DNTTIP2: variants seen among roughly 807,000 people sequenced by gnomAD.
DNTTIP2 encodes deoxynucleotidyltransferase terminal-interacting protein 2.
A neutral mutation model predicts 62.4 loss-of-function variants in DNTTIP2; 47 were observed. The observed-to-expected ratio is 0.75, with a 90% CI of 0.60 to 0.96. DNTTIP2 has a LOEUF of 0.96. Ranked by LOEUF, DNTTIP2 falls within the 40% of genes least tolerant of loss-of-function variation. The probability of loss-of-function intolerance (pLI) is 0.00; values close to 1 mark genes in which losing one functional copy is unlikely to be tolerated. For synonymous variants in DNTTIP2, 322 were observed against 300.9 expected, an observed-to-expected ratio of 1.07 and a Z score of -0.73; for missense variants, 870 against 849.1, an observed-to-expected ratio of 1.02 and a Z score of -0.31.
At position 93,877,237 on chromosome 1, in the gene DNTTIP2, G is replaced by C; in HGVS notation, c.698C>G (p.Pro233Arg). Residue 233 changes from proline to arginine, a missense_variant, in exon 2 of 7, where the codon CCT becomes CGT. Pro to Arg is a moderately radical substitution (Grantham distance 103). Coordinates refer to ENST00000436063, the MANE Select transcript of DNTTIP2 (RefSeq NM_014597.5). ...PGNEKQIVGT[P>R]VNSEDSDTRQ... is the part of the protein sequence containing the mutation. ...GGTATCTGAATCCTCTGAATTCACA[G>C]GTGTACCCACGATCTGTTTCTCATT... 1.9e-6 allele frequency: 3 copies of C among 1,613,892 alleles called. No individual in the cohort carries two copies. The highest frequency in any genetic ancestry group is 1.7e-6 in the Non-Finnish European group (2 of 1,179,880).
Position 93,867,121 on chromosome 1 carries a change from G to A in DNTTIP2, c.*2730C>T, listed in dbSNP as rs562159280. ...CATGCCACTACACTCCAGCCTGGGC[G>A]ACAGAGCGAGAGTCCGTCTCTCAAA... is the stretch of plus-strand genomic sequence containing the variant. On this transcript the variant is annotated 3_prime_UTR_variant, in exon 7 of 7. Transcript: ENST00000436063. 6 of 129,732 alleles carry A rather than the reference G, an allele frequency of 4.6e-5. No homozygotes were observed. The highest frequency in any genetic ancestry group is 1.5e-4 in the African/African-American group (5 of 34,304). The allele number at this position is 129,732 out of a possible 1,614,324, so 8.0% of individuals were successfully genotyped here. A position where few individuals can be genotyped will look rare whatever the true frequency, so the allele number is the denominator to read the frequency against.
intron 3 of DNTTIP2, among the ~76,000 whole-genome samples, chr1:93,873,797 A>G (rs924143584): frequency 1.2e-4 from 19 of 152,166 alleles, no homozygotes; most frequent in African/African-American, 4.6e-4. Context: ...TGTGCAGTCA[A>G]ATCTGTTTAT....
At position 93,877,686 on chromosome 1, in the gene DNTTIP2, C is replaced by T. The variant is rs1264465861; in HGVS notation, c.249G>A (p.Thr83=). Residue 83 remains threonine (T), a synonymous_variant, in exon 2 of 7, where the codon ACG becomes ACA. Transcript: ENST00000436063. Reference sequence around the variant, plus strand: ...ACTCTGCCTCAGAGGTTTCTCCATCCGTAGATGGTTCAGTCCCCTTTGGTA... The same window carrying T: ...ACTCTGCCTCAGAGGTTTCTCCATCTGTAGATGGTTCAGTCCCCTTTGGTA... ...GSLPKGTEPS[T]DGETSEAESN... 2 of 1,613,906 alleles carry T rather than the reference C, an allele frequency of 1.2e-6. No homozygotes were observed. The highest frequency in any genetic ancestry group is 1.7e-5 in the Admixed American group (1 of 60,010).
At chr1:93,870,162 T>C (rs1165566186) in intron 6 of DNTTIP2, among the ~76,000 whole-genome samples, 2 of 152,186 alleles carry the variant, frequency 1.3e-5, no homozygotes, top group African/African-American at 4.8e-5. Context: ...TATATCCATA[T>C]ATGATCTATA....
At position 93,877,320 on chromosome 1, in the gene DNTTIP2, A is replaced by T; in HGVS notation, c.615T>A (p.Ser205Arg). The T allele has an allele frequency of 6.2e-7, 1 of 1,613,252 alleles. No individual in the cohort carries two copies. The highest frequency in any genetic ancestry group is 8.5e-7 in the Non-Finnish European group (1 of 1,179,750). ...FSGIATRRTR[S>R]MQRKLKAQTE... ...TTTGTGCCTTTAATTTCCTCTGCAT[A>T]CTCCTGGTTCTTCTAGTTGCAATTC... The change falls in exon 2 of 7, where the codon AGT (serine) becomes AGA (arginine). Residue 205 changes from serine (S) to arginine (R), a missense_variant. Transcript: ENST00000436063.
intron 5 of DNTTIP2, 107 bp downstream of exon 5, chr1:93,871,965 T>G: frequency 7.9e-7 from 1 of 1,259,344 alleles, no homozygotes; most frequent in Non-Finnish European, 1.1e-6. Flanking sequence ...ACATTAGGCA[T>G]GCACAATGGA....
At chr1:93,870,922 A>G (rs1220122447) in intron 5 of DNTTIP2, 130 bp from the exon 6 acceptor site, 1 of 442,022 alleles carries the variant, frequency 2.3e-6, no homozygotes, top group African/African-American at 2.1e-5. Flanking sequence ...AGTAATGTAA[A>G]TTTTGCCATT....
chr1:93,874,792 C>T (rs1655955721), intron 3 of DNTTIP2, among the ~76,000 whole-genome samples: 1 of 152,072 alleles, frequency 6.6e-6, no homozygotes, highest in Admixed American at 6.6e-5. Flanking sequence ...CCTTGCCCAG[C>T]CGGATTTGTG....
chr1:93,878,942 G>A (rs1656084283), intron 1 of DNTTIP2, 135 bp downstream of exon 1: 8 of 1,168,530 alleles, frequency 6.8e-6, no homozygotes, highest in Non-Finnish European at 9.5e-6. Flanking sequence ...CGGGGCCTGG[G>A]AGACCCAAGC....
chr1:93,869,501 T>C lies in DNTTIP2; in HGVS notation c.*350A>G, dbSNP rs1571181259. 5.1e-6 allele frequency: 1 copy of C among 196,878 alleles called. No homozygotes were observed. The highest frequency in any genetic ancestry group is 2.4e-5 in the African/African-American group (1 of 42,418). 12.2% of individuals were successfully genotyped at this position (196,878 alleles called of 1,614,324 possible). ...ATGTTTATATATCTTTGATCATTTTTTAAAGTTCTTTGAACATGTTAGCAA... is the reference window on the plus strand; with the variant it reads ...ATGTTTATATATCTTTGATCATTTTCTAAAGTTCTTTGAACATGTTAGCAA... On this transcript the variant is annotated 3_prime_UTR_variant, in exon 7 of 7. Transcript: ENST00000436063.
chr1:93,878,925 C>T, intron 1 of DNTTIP2, 152 bp downstream of exon 1: 2 of 957,752 alleles, frequency 2.1e-6, no homozygotes, highest in Admixed American at 2.9e-5. Flanking sequence ...CCGTGACAGG[C>T]TTAGCACGGG....
At chr1:93,875,522 G>C in intron 3 of DNTTIP2, 123 bp downstream of exon 3, 1 of 928,646 alleles carries the variant, frequency 1.1e-6, no homozygotes, top group Non-Finnish European at 1.6e-6. Context: ...TTAGAGAGAA[G>C]GAAAAAACTA....
intron 3 of DNTTIP2, chr1:93,873,441 AAAG>A (rs1655920635): frequency 2.5e-5 from 9 of 365,734 alleles, no homozygotes; most frequent in South Asian, 2.2e-4. Context: ...AAAAAAAAAA[AAAG>A]AAAAGAAATT....
rs368187868 is a variant in DNTTIP2 at position 93,876,959 on chromosome 1, G to A, written c.976C>T (p.Leu326Phe). Residue 326 changes from leucine to phenylalanine, a missense_variant, in exon 2 of 7, where the codon CTT becomes TTT. Physicochemically the swap from Leu to Phe is conservative, Grantham distance 22. Coordinates refer to ENST00000436063, the MANE Select transcript of DNTTIP2 (RefSeq NM_014597.5). ...KSSQLKNLSE[L>F]QDTSLQQLVS... ...AACTGTTGAAGGCTAGTGTCCTGAA[G>A]TTCAGAAAGATTCTTCAGCTGAGAA... The A allele has an allele frequency of 1.9e-6, 3 of 1,613,248 alleles. No individual in the cohort carries two copies. The highest frequency in any genetic ancestry group is 2.5e-6 in the Non-Finnish European group (3 of 1,179,746).
In DNTTIP2 at chr1:93,867,726, G is replaced by A. The variant is rs1036081067; in HGVS notation, c.*2125C>T. The A allele has an allele frequency of 2.0e-5, 3 of 152,024 alleles. No homozygotes were observed. Among genetic ancestry groups the A allele is most frequent in the Admixed American group, 1.3e-4 (2 of 15,266 alleles). 9.4% of individuals were successfully genotyped at this position (152,024 alleles called of 1,614,324 possible). A position where few individuals can be genotyped will look rare whatever the true frequency, so the allele number is the denominator to read the frequency against. ...TTAAATATCCAGGTATTTGTAGAAG[G>A]CCAGAAGCACTAAAGGATACAATTC... On this transcript the variant is annotated 3_prime_UTR_variant, in exon 7 of 7. Coordinates refer to ENST00000436063, the MANE Select transcript of DNTTIP2 (RefSeq NM_014597.5).
rs1242109241 is a variant in DNTTIP2, at chr1:93,879,187, C to T, written c.-39G>A. 1 of 1,603,364 alleles carries T rather than the reference C, an allele frequency of 6.2e-7. No homozygotes were observed. The highest frequency in any genetic ancestry group is 1.7e-5 in the Admixed American group (1 of 57,520). Reference sequence around the variant, plus strand: ...TCGCGACCACCACGACTTCCCTCTTCCCTGGCGCTCCGGAAATGCGTCAGA... The same window carrying T: ...TCGCGACCACCACGACTTCCCTCTTTCCTGGCGCTCCGGAAATGCGTCAGA... On this transcript the variant is annotated 5_prime_UTR_variant, in exon 1 of 7. Coordinates refer to ENST00000436063, the MANE Select transcript of DNTTIP2 (RefSeq NM_014597.5).
intron 3 of DNTTIP2, among the ~76,000 whole-genome samples, chr1:93,873,627 A>AAAAAAAG (rs1320832110): frequency 6.6e-6 from 1 of 151,228 alleles, no homozygotes; most frequent in African/African-American, 2.4e-5. Flanking sequence ...CCTCCCAAAA[A>AAAAAAAG]AAAAAAGAAA....
Position 93,876,283 on chromosome 1 carries a change from C to T in DNTTIP2, c.1652G>A (p.Ser551Asn), listed in dbSNP as rs553901957. Reference protein sequence around the residue: ...EFSDEEDFLNSTKAKLLKLTS... With the variant: ...EFSDEEDFLNNTKAKLLKLTS... The stretch of plus-strand genomic sequence containing the variant: ...AAAAACTTACAGTTTAGCCTTTGTG[C>T]TATTTAGGAAGTCTTCTTCATCACT... Residue 551 changes from serine to asparagine, a missense_variant, in exon 2 of 7, where the codon AGC (serine) becomes AAC (asparagine). By Grantham distance (46) the Ser-to-Asn change is conservative. Transcript: ENST00000436063. The T allele has an allele frequency of 1.8e-5, 27 of 1,534,822 alleles. No individual in the cohort carries two copies. The East Asian group carries it at 6.4e-4, about 36-fold the overall frequency.
chr1:93,876,223 G>A (rs932366809), intron 2 of DNTTIP2, 45 bp downstream of exon 2: 92 of 1,396,984 alleles, frequency 6.6e-5, no homozygotes, highest in Non-Finnish European at 8.5e-5. Flanking sequence ...TTAACCACTT[G>A]AAATACATGT....
Sources: gnomAD v4.1 joint callset for allele counts (sites outside exome capture counted in the v4.1 genomes callset) on GRCh38, gnomAD v4.1.1 for gene constraint, MANE v1.5 for transcripts, NCBI Gene and HGNC (gene_info 2026-07-23, HGNC 2026-07-21) for gene names.